IQSEC1: variants seen among roughly 807,000 people sequenced by gnomAD.
IQSEC1 encodes IQ motif and Sec7 domain ArfGEF 1.
In IQSEC1, 31 loss-of-function variants were observed where a neutral mutation model predicts 91.0. The observed-to-expected ratio is 0.34, with a 90% CI of 0.26 to 0.46. IQSEC1 has a LOEUF of 0.46. Ranked by LOEUF, IQSEC1 falls within the 20% of genes least tolerant of loss-of-function variation. The pLI is 1.00. For synonymous variants in IQSEC1, 699 were observed against 662.6 expected, an observed-to-expected ratio of 1.05 and a Z score of -0.84; for missense variants, 1,388 against 1,575.6, an observed-to-expected ratio of 0.88 and a Z score of 2.02.
intron 6 of IQSEC1, among the ~76,000 whole-genome samples, chr3:12,916,686 A>G (rs1696125719): frequency 6.6e-6 from 1 of 152,208 alleles, no homozygotes; most frequent in Non-Finnish European, 1.5e-5. Flanking sequence ...ATCCCATGGG[A>G]AATGAGACAC....
At chr3:13,257,283 C>A (rs942447736) in intron 1 of IQSEC1, among the ~76,000 whole-genome samples, 1 of 152,150 alleles carries the variant, frequency 6.6e-6, no homozygotes, top group Non-Finnish European at 1.5e-5. Context: ...GAGAAGCTTC[C>A]CCAGTGCATG....
rs1224240471 is a variant in IQSEC1 at position 13,193,927 on chromosome 3, G to C, written c.273-29794C>G. On this transcript the variant is annotated intron_variant, in intron 1 of 15. Transcript: ENST00000648114. This position sits in a 1 kb window ranked among gnomAD's most constrained non-coding sequence, Gnocchi z 4.2. The stretch of plus-strand genomic sequence containing the variant: ...ACAGACCAAGCTTGGTTTCCTCACA[G>C]CTCTGGAGCCTGGAATTCGGAAAGC... Among the ~76,000 whole-genome samples, 1 of 152,200 alleles carries C rather than the reference G, an allele frequency of 6.6e-6. No homozygotes were observed. The highest frequency in any genetic ancestry group is 6.5e-5 in the Admixed American group (1 of 15,280).
At chr3:13,245,091 A>C (rs1244734916) in intron 1 of IQSEC1, among the ~76,000 whole-genome samples, 1 of 151,842 alleles carries the variant, frequency 6.6e-6, no homozygotes, top group African/African-American at 2.4e-5. Flanking sequence ...ATGAGTCTAC[A>C]GGTGAGCCAG....
chr3:13,116,029 G>A (rs938236974), intron 2 of IQSEC1, among the ~76,000 whole-genome samples: 3 of 152,226 alleles, frequency 2.0e-5, no homozygotes, highest in Non-Finnish European at 4.4e-5. Context: ...CAAATCAGCA[G>A]GAAAGAAGGG....
chr3:13,156,422 T>C (rs920869424), intron 2 of IQSEC1, among the ~76,000 whole-genome samples: 7 of 152,338 alleles, frequency 4.6e-5, no homozygotes, highest in African/African-American at 1.7e-4. Flanking sequence ...TTTTGTCATT[T>C]GGGCTCAACA....
At chr3:13,025,719 C>T (rs926513302) in intron 1 of IQSEC1, among the ~76,000 whole-genome samples, 1 of 152,214 alleles carries the variant, frequency 6.6e-6, no homozygotes, top group Non-Finnish European at 1.5e-5. Context: ...ACACTATACT[C>T]GACTCCCGCC....
chr3:12,920,400 G>T, intron 6 of IQSEC1, 30 bp downstream of exon 6: 1 of 1,608,396 alleles, frequency 6.2e-7, no homozygotes, highest in Non-Finnish European at 8.5e-7. Context: ...GAGCAAATCT[G>T]TGGCTGGCCG....
chr3:13,133,542 G>A (rs375348464), intron 2 of IQSEC1, among the ~76,000 whole-genome samples: 1 of 152,222 alleles, frequency 6.6e-6, no homozygotes, highest in African/African-American at 2.4e-5. Context: ...GGCAGCAGGC[G>A]CCCTTGCCAG....
intron 1 of IQSEC1, among the ~76,000 whole-genome samples, chr3:12,958,478 A>C (rs1211993324): frequency 6.6e-6 from 1 of 152,214 alleles, no homozygotes; most frequent in Non-Finnish European, 1.5e-5. Context: ...GCCATATAAT[A>C]ACACACACAA....
intron 1 of IQSEC1, among the ~76,000 whole-genome samples, chr3:13,245,282 G>A (rs962561028): frequency 3.3e-5 from 5 of 152,130 alleles, no homozygotes; most frequent in Non-Finnish European, 7.3e-5. Context: ...CCACACCCAG[G>A]CTCACCGATG....
intron 12 of IQSEC1, among the ~76,000 whole-genome samples, chr3:12,907,990 C>T (rs953737103): frequency 6.6e-6 from 1 of 152,180 alleles, no homozygotes; most frequent in African/African-American, 2.4e-5. Context: ...AGCACAGGGA[C>T]GCGGCCGCAC....
chr3:12,986,599 T>C (rs938367025), intron 1 of IQSEC1, among the ~76,000 whole-genome samples: 3 of 151,488 alleles, frequency 2.0e-5, no homozygotes, highest in Non-Finnish European at 2.9e-5. Flanking sequence ...AACCCGAGAG[T>C]GGGAGGTCGG....
rs976510445 is a variant in IQSEC1 at position 13,250,508 on chromosome 3, C to T, written c.272+32203G>A. On this transcript the variant is annotated intron_variant, in intron 1 of 15. Coordinates refer to the IQSEC1 transcript ENST00000648114. ...ATCTTGGCTCACTTCAACCTCCCCC[C>T]ACCACCACCCTCCACCCCCAGGTTC... Among the ~76,000 whole-genome samples, 4 of 151,346 alleles carry T rather than the reference C, an allele frequency of 2.6e-5. No homozygotes were observed. In the East Asian group the frequency reaches 7.7e-4, roughly 29 times the overall value.
chr3:13,004,867 G>A (rs1423637527), intron 1 of IQSEC1, among the ~76,000 whole-genome samples: 4 of 152,144 alleles, frequency 2.6e-5, no homozygotes, highest in Admixed American at 2.6e-4. Flanking sequence ...CCACCAGTAA[G>A]CCCTTGACTC....
intron 2 of IQSEC1, among the ~76,000 whole-genome samples, chr3:13,116,779 G>A (rs959470771): frequency 1.3e-5 from 2 of 151,874 alleles, no homozygotes; most frequent in Non-Finnish European, 2.9e-5. Flanking sequence ...AACAGAGTGA[G>A]GTCCTGTCTC....
intron 1 of IQSEC1, among the ~76,000 whole-genome samples, chr3:13,209,128 GT>G (rs1694399353): frequency 6.6e-6 from 1 of 152,192 alleles, no homozygotes; most frequent in Non-Finnish European, 1.5e-5. Context: ...GAGGCAGCCA[GT>G]TTATATTCAG....
intron 8 of IQSEC1, among the ~76,000 whole-genome samples, chr3:12,913,849 C>A (rs532535862): frequency 6.6e-6 from 1 of 152,310 alleles, no homozygotes; most frequent in African/African-American, 2.4e-5. Context: ...GGGCAGGTAC[C>A]AGGCTTCTTA....
intron 1 of IQSEC1, among the ~76,000 whole-genome samples, chr3:13,029,871 C>T (rs1703777594): frequency 6.6e-6 from 1 of 152,236 alleles, no homozygotes. Flanking sequence ...GGGCTGTTTC[C>T]CAATACCCAG....
intron 1 of IQSEC1, among the ~76,000 whole-genome samples, chr3:13,208,148 G>A (rs1035984637): frequency 6.6e-6 from 1 of 150,422 alleles, no homozygotes; most frequent in Non-Finnish European, 1.5e-5. Flanking sequence ...GCAAAACAAT[G>A]AGCGACAAGA....
Sources: gnomAD v4.1 joint callset for allele counts (sites outside exome capture counted in the v4.1 genomes callset) on GRCh38, gnomAD v4.1.1 for gene constraint, Gnocchi (gnomAD v3.1) non-coding constraint, MANE v1.5 for transcripts, NCBI Gene and HGNC (gene_info 2026-07-23, HGNC 2026-07-21) for gene names.